TDRD1: variants seen among roughly 807,000 people sequenced by gnomAD.
TDRD1 encodes the protein tudor domain containing 1.
Under a neutral mutation model 140.6 loss-of-function variants are expected in TDRD1, and 37 were observed. That is an observed-to-expected ratio of 0.26 (90% CI 0.20 to 0.35). The LOEUF is 0.35. TDRD1 is among the 10% of genes least tolerant of loss of function. The pLI is 1.00. For missense variants in TDRD1, 1,243 were observed against 1,393.0 expected (o/e 0.89, Z 1.71); for synonymous variants, 506 against 475.7 (o/e 1.06, Z -0.83).
At chr10:114,202,775 A>G (rs1393845203) in intron 6 of TDRD1, among the ~76,000 whole-genome samples, 2 of 152,242 alleles carry the variant, frequency 1.3e-5, no homozygotes, top group African/African-American at 4.8e-5. Flanking sequence ...TACAGAAAAC[A>G]TTAACAAGTG....
upstream of TDRD1, among the ~76,000 whole-genome samples, chr10:114,179,110 G>A (rs1288660279): frequency 5.9e-5 from 9 of 152,226 alleles, no homozygotes; most frequent in Non-Finnish European, 2.9e-5. Flanking sequence ...TGCCAAAGGC[G>A]TTGCCAGAGA....
At chr10:114,207,539 T>C (rs1205001290) in intron 11 of TDRD1, among the ~76,000 whole-genome samples, 1 of 152,178 alleles carries the variant, frequency 6.6e-6, no homozygotes, top group Non-Finnish European at 1.5e-5. Flanking sequence ...CACATCTTGG[T>C]GGGACAGCTC....
At chr10:114,206,009 A>T (rs1380318854) in intron 10 of TDRD1, among the ~76,000 whole-genome samples, 2 of 152,196 alleles carry the variant, frequency 1.3e-5, no homozygotes, top group Non-Finnish European at 2.9e-5. Context: ...CAAAAATTTT[A>T]AAAATTGTAT....
At chr10:114,210,518 A>C (rs569626313) in intron 11 of TDRD1, 63 bp from the exon 12 acceptor site, 3 of 1,461,084 alleles carry the variant, frequency 2.1e-6, no homozygotes, top group Non-Finnish European at 2.7e-6. Context: ...TAAAGCGTGC[A>C]TAATTTTTTT....
upstream of TDRD1, among the ~76,000 whole-genome samples, chr10:114,177,666 C>A (rs2032727803): frequency 6.6e-6 from 1 of 152,000 alleles, no homozygotes. Flanking sequence ...TAGGTAAAAA[C>A]GAAGGAAATC....
In TDRD1 at chr10:114,220,860, A is replaced by G. The variant is rs758622921; in HGVS notation, c.2770+17A>G. ...GACTTCAAGGTAACATTTTAAAACC[A>G]TTTATTTGTTTAAATTTGTTATTCT... is the stretch of plus-strand genomic sequence containing the variant. On this transcript the variant is annotated intron_variant, in intron 19 of 25. Coordinates refer to ENST00000251864, the Ensembl canonical transcript of TDRD1. The G allele has an allele frequency of 6.4e-6, 10 of 1,568,756 alleles. No homozygotes were observed. Among genetic ancestry groups the G allele is most frequent in the Non-Finnish European group, 7.8e-6 (9 of 1,150,538 alleles).
At chr10:114,206,920 TAG>T in intron 11 of TDRD1, among the ~76,000 whole-genome samples, 1 of 151,418 alleles carries the variant, frequency 6.6e-6, no homozygotes, top group South Asian at 2.1e-4. Flanking sequence ...CCTGCCAAGT[TAG>T]GGCTTTTTAG....
Position 114,204,277 on chromosome 10 carries a change from T to C in TDRD1, c.1125+61T>C. The C allele has an allele frequency of 2.0e-6, 3 of 1,507,576 alleles. No individual in the cohort carries two copies. The East Asian group carries it at 6.9e-5, about 35-fold the overall frequency. 93.4% of individuals were successfully genotyped at this position (1,507,576 alleles called of 1,614,324 possible). ...TCCCAAAGGAGCTGTTGTCAATGTT[T>C]TGATGGGCACAGTGTTTGCTTGTTC... On this transcript the variant is annotated intron_variant, in intron 9 of 25. Transcript: ENST00000251864.
intron 3 of TDRD1, among the ~76,000 whole-genome samples, chr10:114,198,810 C>T (rs1236421442): frequency 1.3e-5 from 2 of 152,094 alleles, no homozygotes; most frequent in Non-Finnish European, 2.9e-5. Flanking sequence ...CCCACCACGA[C>T]ACCCGGCTAG....
intron 1 of TDRD1, among the ~76,000 whole-genome samples, chr10:114,186,976 C>A (rs1483192571): frequency 6.6e-6 from 1 of 152,160 alleles, no homozygotes; most frequent in Non-Finnish European, 1.5e-5. Flanking sequence ...TCCTCCCGCT[C>A]AGCCATTTTG....
chr10:114,201,557 A>G (rs1045317380), intron 5 of TDRD1, 42 bp downstream of exon 5: 1 of 1,546,288 alleles, frequency 6.5e-7, no homozygotes, highest in African/African-American at 1.4e-5. Flanking sequence ...GATTATGTAA[A>G]AGGTTCTGAT....
exon 7 of TDRD1, chr10:114,203,144 A>C (rs764913609): frequency 8.7e-6 from 14 of 1,613,562 alleles, no homozygotes; most frequent in South Asian, 4.4e-5. Flanking sequence ...TGATTTGAGA[A>C]GTCTACAACT....
At chr10:114,191,794 A>G (rs575490223) in intron 3 of TDRD1, among the ~76,000 whole-genome samples, 9 of 152,328 alleles carry the variant, frequency 5.9e-5, no homozygotes, top group Non-Finnish European at 4.4e-5. Context: ...GAAACTGCCA[A>G]ATATTTTCCA....
exon 8 of TDRD1, chr10:114,203,557 C>A (rs752920955): frequency 6.2e-7 from 1 of 1,604,706 alleles, no homozygotes; most frequent in Non-Finnish European, 8.5e-7. Flanking sequence ...GCCAAGTACA[C>A]TGTTGATCAG....
At chr10:114,191,093 G>A (rs919511854) in intron 3 of TDRD1, 74 bp downstream of exon 3, 66 of 1,469,818 alleles carry the variant, frequency 4.5e-5, no homozygotes, top group Non-Finnish European at 5.3e-5. Context: ...TAATAAAGAA[G>A]TGTTCAATTT....
intron 3 of TDRD1, among the ~76,000 whole-genome samples, chr10:114,194,549 GTCTT>G (rs2034203028): frequency 6.6e-6 from 1 of 151,882 alleles, no homozygotes; most frequent in Non-Finnish European, 1.5e-5. Flanking sequence ...GGTAATTTCT[GTCTT>G]TCTTTTCTTT....
At chr10:114,193,289 CTTTTTTT>C (rs1170053036) in intron 3 of TDRD1, among the ~76,000 whole-genome samples, 5 of 83,682 alleles carry the variant, frequency 6.0e-5, no homozygotes, top group African/African-American at 1.0e-4. Flanking sequence ...TTGCTGAAGT[CTTTTTTT>C]TTTTTTTTTT....
exon 23 of TDRD1, chr10:114,227,268 C>T: frequency 6.2e-7 from 1 of 1,613,884 alleles, no homozygotes. Context: ...CAAAAAACAT[C>T]ACACCTCAAA....
At chr10:114,188,085 T>G in exon 2 of TDRD1, 1 of 1,613,600 alleles carries the variant, frequency 6.2e-7, no homozygotes, top group East Asian at 2.2e-5. Flanking sequence ...GACAATTCAG[T>G]TTCTTCAAAC....
Sources: allele counts gnomAD v4.1 joint callset (sites outside exome capture counted in the v4.1 genomes callset), GRCh38; gene constraint gnomAD v4.1.1; transcripts MANE v1.5; gene names NCBI Gene and HGNC (gene_info 2026-07-23, HGNC 2026-07-21).